The following SEMA4D variants were observed in gnomAD, a reference collection of about 807,000 sequenced individuals.
SEMA4D encodes the protein semaphorin-4D.
Under a neutral mutation model 74.8 loss-of-function variants are expected in SEMA4D, and 22 were observed. The observed-to-expected ratio is 0.29, with a 90% CI of 0.21 to 0.42. The LOEUF (loss-of-function observed/expected upper bound fraction) is 0.42, where lower values mean the gene tolerates loss of function less well. SEMA4D is among the 10% of genes least tolerant of loss of function. The pLI is 1.00. For missense variants in SEMA4D, 937 were observed against 1,118.4 expected (o/e 0.84, Z 2.31); for synonymous variants, 445 against 463.7 (o/e 0.96, Z 0.52).
chr9:89,419,188 G>A (rs913799135), intron 2 of SEMA4D, among the ~76,000 whole-genome samples: 1 of 152,176 alleles, frequency 6.6e-6, no homozygotes, highest in Non-Finnish European at 1.5e-5. Context: ...GATCAGAAAC[G>A]ATCACGATTC....
chr9:89,391,179 G>C, intron 9 of SEMA4D, 85 bp downstream of exon 9: 1 of 1,330,798 alleles, frequency 7.5e-7, no homozygotes. Context: ...AGTGACATTT[G>C]AGACGAAGGT....
intron 2 of SEMA4D, among the ~76,000 whole-genome samples, chr9:89,427,406 C>T (rs1189737233): frequency 2.6e-5 from 4 of 152,172 alleles, no homozygotes; most frequent in African/African-American, 9.7e-5. Context: ...CAGAAAACCA[C>T]AGCCCCTGCC....
intron 3 of SEMA4D, 75 bp downstream of exon 3, chr9:89,405,276 C>T (rs1288281697): frequency 1.8e-5 from 24 of 1,337,288 alleles, no homozygotes; most frequent in Non-Finnish European, 2.4e-5. Flanking sequence ...CCGTCCCCAG[C>T]CACCCACCTC....
rs761493300 is a variant in SEMA4D, at chr9:89,484,874, G to A, written c.-310+13045C>T. 1.7e-4 allele frequency among the ~76,000 whole-genome samples: 25 copies of A among 150,398 alleles called. 1 individual carries two copies. The highest frequency in any genetic ancestry group is 2.7e-4 in the Non-Finnish European group (18 of 67,468). ...AATGTGTGTATACTGGGTGTTTGTG[G>A]TGTGGGGGGTATGTGTGTAGTGTGT... On this transcript the variant is annotated intron_variant, in intron 1 of 15. Transcript: ENST00000422704. The surrounding 1 kb of genome is among the most constrained non-coding windows in gnomAD (Gnocchi z 4.1).
chr9:89,452,182 G>GTTT (rs748453753), intron 2 of SEMA4D, among the ~76,000 whole-genome samples: 30,149 of 135,122 alleles, frequency 0.22, 3,960 homozygotes, highest in African/African-American at 0.3. Flanking sequence ...GGTTTTTTTT[G>GTTT]TTTTTTTTTT....
At chr9:89,474,719 T>C (rs1397701563) in intron 1 of SEMA4D, among the ~76,000 whole-genome samples, 2 of 152,248 alleles carry the variant, frequency 1.3e-5, no homozygotes, top group Admixed American at 6.5e-5. Context: ...AGCTTCTGCC[T>C]GACAGACATA....
intron 2 of SEMA4D, among the ~76,000 whole-genome samples, chr9:89,445,384 TACA>T (rs940549715): frequency 7.9e-5 from 12 of 152,172 alleles, no homozygotes; most frequent in African/African-American, 2.4e-4. Flanking sequence ...CTGGGTGGCT[TACA>T]ACAACAGAAG....
At chr9:89,482,008 C>T (rs952929614) in intron 1 of SEMA4D, among the ~76,000 whole-genome samples, 2 of 152,178 alleles carry the variant, frequency 1.3e-5, no homozygotes, top group African/African-American at 2.4e-5. Flanking sequence ...GATGACCTTC[C>T]CTTGACTCCA....
chr9:89,403,382 C>T (rs1399175623), intron 3 of SEMA4D, among the ~76,000 whole-genome samples: 1 of 152,238 alleles, frequency 6.6e-6, no homozygotes, highest in Non-Finnish European at 1.5e-5. Context: ...CCACCCTCTG[C>T]CCACCCAACT....
At chr9:89,414,668 C>A (rs1217678100) in intron 2 of SEMA4D, among the ~76,000 whole-genome samples, 1 of 152,220 alleles carries the variant, frequency 6.6e-6, no homozygotes, top group Non-Finnish European at 1.5e-5. Flanking sequence ...GTCTAGGTCA[C>A]AAGCATAATA....
chr9:89,426,443 T>C (rs1848123790), intron 2 of SEMA4D, among the ~76,000 whole-genome samples: 2 of 152,104 alleles, frequency 1.3e-5, no homozygotes, highest in African/African-American at 2.4e-5. Flanking sequence ...TCCCTCACTA[T>C]CCGGGCCTCC....
At chr9:89,450,720 G>T (rs890369769) in intron 2 of SEMA4D, 1 of 1,314,486 alleles carries the variant, frequency 7.6e-7, no homozygotes, top group Non-Finnish European at 1.0e-6. Context: ...GCCACCAGTG[G>T]GGAAACATTA....
At chr9:89,438,962 GCCTTTTTTT>G (rs1851078411) in intron 2 of SEMA4D, among the ~76,000 whole-genome samples, 13 of 111,784 alleles carry the variant, frequency 1.2e-4, no homozygotes, top group Non-Finnish European at 1.7e-5. Flanking sequence ...ACCGCACCGG[GCCTTTTTTT>G]TTTTTTTTTT....
intron 1 of SEMA4D, among the ~76,000 whole-genome samples, chr9:89,497,090 G>A (rs1030902119): frequency 1.3e-5 from 2 of 152,190 alleles, no homozygotes; most frequent in Admixed American, 6.5e-5. Context: ...CCCACTTACA[G>A]ACTCCCATTC....
chr9:89,370,416 GTT>G (rs1367011825), intron 16 of SEMA4D, among the ~76,000 whole-genome samples: 1 of 151,506 alleles, frequency 6.6e-6, no homozygotes, highest in South Asian at 2.1e-4. Context: ...TGTGTGGTGT[GTT>G]TGTGGTGTGT....
intron 1 of SEMA4D, among the ~76,000 whole-genome samples, chr9:89,493,190 C>T (rs1284393373): frequency 6.6e-6 from 1 of 152,236 alleles, no homozygotes; most frequent in Non-Finnish European, 1.5e-5. Context: ...ACCAAACGTG[C>T]CAGCACTGTG....
At chr9:89,460,693 C>T (rs565800874) in intron 1 of SEMA4D, among the ~76,000 whole-genome samples, 8 of 152,300 alleles carry the variant, frequency 5.3e-5, no homozygotes, top group Admixed American at 1.3e-4. Context: ...GTCCTGGAGG[C>T]CGCAGAGCAA....
downstream of SEMA4D, among the ~76,000 whole-genome samples, chr9:89,374,143 A>G (rs1381743619): frequency 6.6e-6 from 1 of 152,200 alleles, no homozygotes; most frequent in Admixed American, 6.5e-5. Flanking sequence ...TCTGGAGAGA[A>G]AGTAAAGACC....
exon 19 of SEMA4D, chr9:89,360,894 C>T (rs1262306499): frequency 6.6e-6 from 1 of 152,188 alleles, no homozygotes; most frequent in Admixed American, 6.5e-5. Flanking sequence ...ATTACGAAAA[C>T]TTCAAGTATG....
Sources: gnomAD v4.1 joint callset for allele counts (sites outside exome capture counted in the v4.1 genomes callset) on GRCh38, gnomAD v4.1.1 for gene constraint, Gnocchi (gnomAD v3.1) non-coding constraint, MANE v1.5 for transcripts, NCBI Gene and HGNC (gene_info 2026-07-23, HGNC 2026-07-21) for gene names.